The following SGK3 variants were observed in gnomAD, a reference collection of about 807,000 sequenced individuals.
SGK3 encodes the protein serum/glucocorticoid regulated kinase family member 3, also known as serine/threonine-protein kinase Sgk3.
In SGK3, 47 loss-of-function variants were observed where a neutral mutation model predicts 68.5. That is an observed-to-expected ratio of 0.69 (90% CI 0.54 to 0.87). The LOEUF (loss-of-function observed/expected upper bound fraction) is 0.87. SGK3 is among the 40% of genes least tolerant of loss of function. The pLI is 0.00. For synonymous variants in SGK3, 181 were observed against 189.1 expected (o/e 0.96, Z 0.35); for missense variants, 479 against 575.5 (o/e 0.83, Z 1.72).
intron 1 of SGK3, among the ~76,000 whole-genome samples, chr8:66,734,999 C>A (rs1273024915): frequency 6.6e-6 from 1 of 151,022 alleles, no homozygotes; most frequent in Non-Finnish European, 1.5e-5. Flanking sequence ...TTGAAAGAGA[C>A]CACATTCACA....
chr8:66,845,512 T>A (rs1476099871), intron 14 of SGK3, among the ~76,000 whole-genome samples: 1 of 152,178 alleles, frequency 6.6e-6, no homozygotes, highest in Non-Finnish European at 1.5e-5. Context: ...TTAAAAATTA[T>A]GTATACTTTA....
chr8:66,805,304 G>C (rs1173795551), intron 4 of SGK3, among the ~76,000 whole-genome samples: 1 of 152,060 alleles, frequency 6.6e-6, no homozygotes, highest in Non-Finnish European at 1.5e-5. Flanking sequence ...TGGATCACAA[G>C]GTCAGGAGAT....
intron 1 of SGK3, among the ~76,000 whole-genome samples, chr8:66,777,764 A>T (rs894754914): frequency 1.3e-5 from 2 of 150,608 alleles, no homozygotes; most frequent in African/African-American, 5.0e-5. Flanking sequence ...CTACAACATG[A>T]TTTAAAGCCC....
At chr8:66,764,421 A>G (rs1298811690) in intron 1 of SGK3, among the ~76,000 whole-genome samples, 2 of 152,132 alleles carry the variant, frequency 1.3e-5, no homozygotes, top group African/African-American at 4.8e-5. Flanking sequence ...TCTCTAAATA[A>G]TAAAATTATA....
intron 8 of SGK3, among the ~76,000 whole-genome samples, chr8:66,834,024 TG>T (rs1563651657): frequency 6.6e-6 from 1 of 152,226 alleles, no homozygotes; most frequent in Non-Finnish European, 1.5e-5. Flanking sequence ...TGAAAATTGG[TG>T]TTAATTCTTG....
At chr8:66,778,583 C>G (rs1806820729) in intron 1 of SGK3, among the ~76,000 whole-genome samples, 1 of 152,242 alleles carries the variant, frequency 6.6e-6, no homozygotes, top group African/African-American at 2.4e-5. Flanking sequence ...GCGTGAGCCA[C>G]CGTGCCCAGC....
chr8:66,757,641 G>A (rs1025223908), intron 1 of SGK3, among the ~76,000 whole-genome samples: 3 of 151,790 alleles, frequency 2.0e-5, no homozygotes, highest in Non-Finnish European at 2.9e-5. Flanking sequence ...ATGGCCAGGT[G>A]CAGTGGCTCA....
intron 5 of SGK3, among the ~76,000 whole-genome samples, chr8:66,820,732 G>T: frequency 6.6e-6 from 1 of 152,038 alleles, no homozygotes; most frequent in Non-Finnish European, 1.5e-5. Context: ...GAGACAAGTT[G>T]TTGCTTTGTC....
intron 1 of SGK3, among the ~76,000 whole-genome samples, chr8:66,783,269 G>T (rs1807063806): frequency 6.6e-6 from 1 of 152,208 alleles, no homozygotes; most frequent in East Asian, 1.9e-4. Flanking sequence ...CTTCTTTGGT[G>T]AGGTGTCTGT....
chr8:66,736,896 G>T (rs1015124161), intron 1 of SGK3, among the ~76,000 whole-genome samples: 33 of 151,832 alleles, frequency 2.2e-4, no homozygotes, highest in African/African-American at 8.0e-4. Flanking sequence ...TGGGATTACA[G>T]GCATGAGCCA....
Position 66,713,510 on chromosome 8 carries a change from G to C in SGK3, c.-122+677G>C, listed in dbSNP as rs192741923. Among the ~76,000 whole-genome samples, 5 of 152,358 alleles carry C rather than the reference G, an allele frequency of 3.3e-5. No homozygotes were observed. In the East Asian group the frequency reaches 9.6e-4, roughly 29 times the overall value. ...TGAGTAGAATTTCAGTCCTGCACCA[G>C]AGACTACTTAGTGTGCACTTGGGTG... On this transcript the variant is annotated intron_variant, in intron 1 of 16. Coordinates refer to ENST00000521198, the MANE Select transcript of SGK3 (RefSeq NM_001033578.3).
intron 1 of SGK3, among the ~76,000 whole-genome samples, chr8:66,764,048 A>T (rs1806247685): frequency 6.6e-6 from 1 of 151,910 alleles, no homozygotes; most frequent in Non-Finnish European, 1.5e-5. Context: ...ATTTTTATAG[A>T]GACAGGATTT....
chr8:66,731,634 A>C (rs1168527802), intron 1 of SGK3, among the ~76,000 whole-genome samples: 1 of 152,108 alleles, frequency 6.6e-6, no homozygotes, highest in Non-Finnish European at 1.5e-5. Context: ...TCCTGGGTTC[A>C]TGCCATTCTC....
At chr8:66,751,397 T>TA (rs1297418372) in intron 1 of SGK3, among the ~76,000 whole-genome samples, 1 of 152,238 alleles carries the variant, frequency 6.6e-6, no homozygotes, top group Non-Finnish European at 1.5e-5. Flanking sequence ...ACTCATTTGT[T>TA]ATGAGCTTCT....
At chr8:66,797,097 T>C (rs1023998973) in intron 2 of SGK3, among the ~76,000 whole-genome samples, 1 of 152,242 alleles carries the variant, frequency 6.6e-6, no homozygotes, top group East Asian at 1.9e-4. Context: ...TCTGTAAATA[T>C]ATTTGCTGCA....
At chr8:66,847,440 A>G (rs1255280617) in intron 15 of SGK3, 92 bp downstream of exon 15, 24 of 1,530,370 alleles carry the variant, frequency 1.6e-5, no homozygotes, top group Non-Finnish European at 2.0e-5. Context: ...AATGGAATGA[A>G]TACAATATGC....
At chr8:66,745,903 G>A (rs760424114) in intron 1 of SGK3, among the ~76,000 whole-genome samples, 1 of 152,054 alleles carries the variant, frequency 6.6e-6, no homozygotes, top group Non-Finnish European at 1.5e-5. Flanking sequence ...TTTTTTTAGT[G>A]GCAGTAGTCC....
At chr8:66,751,198 A>G (rs1275954379) in intron 1 of SGK3, among the ~76,000 whole-genome samples, 9 of 152,142 alleles carry the variant, frequency 5.9e-5, no homozygotes, top group Admixed American at 3.9e-4. Flanking sequence ...GCTACTCAGG[A>G]GGCTGAGGCA....
rs552964390 is a variant in SGK3, at chr8:66,782,794, G to A, written c.-121-10822G>A. On this transcript the variant is annotated intron_variant, in intron 1 of 16. Transcript: ENST00000521198. ...TGCATTTAAGGTTTCTCCATGTCTT[G>A]TTATGGCTGGATAGCTTATTTCTTT... 2.6e-5 allele frequency among the ~76,000 whole-genome samples: 4 copies of A among 152,216 alleles called. No homozygotes were observed. In the South Asian group the frequency reaches 8.3e-4, roughly 32 times the overall value.
Sources: allele counts gnomAD v4.1 joint callset (sites outside exome capture counted in the v4.1 genomes callset), GRCh38; gene constraint gnomAD v4.1.1; transcripts MANE v1.5; gene names NCBI Gene and HGNC (gene_info 2026-07-23, HGNC 2026-07-21).